Variants in EML6 observed in about 807,000 individuals in gnomAD.
EML6 encodes echinoderm microtubule-associated protein-like 6.
In EML6, 154 loss-of-function variants were observed where a neutral mutation model predicts 240.1. That is an observed-to-expected ratio of 0.64 (90% CI 0.56 to 0.73). The LOEUF (loss-of-function observed/expected upper bound fraction) is 0.73, where lower values mean the gene tolerates loss of function less well. EML6 is among the 30% of genes least tolerant of loss of function. The pLI, the probability that EML6 is intolerant of heterozygous loss-of-function variation, is 0.00. For synonymous variants in EML6, 1,148 were observed against 899.0 expected (o/e 1.28, Z -4.95); for missense variants, 2,964 against 2,474.6 (o/e 1.20, Z -4.20).
chr2:54,864,146 CT>C (rs1327120471), intron 13 of EML6, among the ~76,000 whole-genome samples: 3 of 152,162 alleles, frequency 2.0e-5, no homozygotes, highest in Non-Finnish European at 4.4e-5. Flanking sequence ...TTTTGCCTCC[CT>C]AGCACCTAAA....
Position 54,859,544 on chromosome 2 carries a change from T to G in EML6, c.1668T>G (p.Phe556Leu). Residue 556 changes from phenylalanine (F) to leucine (L), a missense_variant, in exon 12 of 42, where the codon TTT (phenylalanine) becomes TTG (leucine). Physicochemically the swap from Phe to Leu is conservative, Grantham distance 22. Transcript: ENST00000356458. ...KFPCLKRGAK[F>L]RKYVGHSAHV... ...AAAATATTCTTTCAGGAGCCAAATT[T>G]AGAAAGTATGTGGGCCATTCTGCAC... is the stretch of plus-strand genomic sequence containing the variant. 1 of 1,548,826 alleles carries G rather than the reference T, an allele frequency of 6.5e-7. No individual in the cohort carries two copies.
intron 19 of EML6, 100 bp downstream of exon 19, chr2:54,892,756 C>A: frequency 3.6e-6 from 3 of 824,888 alleles, no homozygotes; most frequent in South Asian, 1.9e-5. Flanking sequence ...TAAAACAGGC[C>A]TGTCTGAATT....
In EML6 at chr2:54,725,366, C is replaced by T; in HGVS notation, c.197+108C>T. On this transcript the variant is annotated intron_variant, in intron 2 of 41. Coordinates refer to ENST00000356458, the MANE Select transcript of EML6 (RefSeq NM_001039753.4). This position sits in a 1 kb window ranked among gnomAD's most constrained non-coding sequence, Gnocchi z 4.3. ...CGGGAGCCCCGTGGAATAGAGGATTCTCTCTGGAGCCGCATGGAATTACTG... is the reference window on the plus strand; with the variant it reads ...CGGGAGCCCCGTGGAATAGAGGATTTTCTCTGGAGCCGCATGGAATTACTG... The T allele has an allele frequency of 3.8e-6, 3 of 788,366 alleles. No homozygotes were observed. In the South Asian group the frequency reaches 7.4e-5, roughly 19 times the overall value. 48.8% of individuals were successfully genotyped at this position (788,366 alleles called of 1,614,324 possible). A position where few individuals can be genotyped will look rare whatever the true frequency, so the allele number is the denominator to read the frequency against.
At chr2:54,948,181 A>C (rs547531881) in intron 28 of EML6, among the ~76,000 whole-genome samples, 2 of 152,316 alleles carry the variant, frequency 1.3e-5, no homozygotes, top group Admixed American at 1.3e-4. Context: ...TAGGGCTTAC[A>C]CATTATAAAA....
At chr2:54,941,714 G>A (rs1250773062) in intron 28 of EML6, among the ~76,000 whole-genome samples, 1 of 152,252 alleles carries the variant, frequency 6.6e-6, no homozygotes, top group Non-Finnish European at 1.5e-5. Flanking sequence ...TTGCATGTGT[G>A]TTGTTTAAGC....
intron 11 of EML6, among the ~76,000 whole-genome samples, chr2:54,858,403 G>A (rs1670500522): frequency 6.6e-6 from 1 of 152,206 alleles, no homozygotes; most frequent in African/African-American, 2.4e-5. Flanking sequence ...CTGTGAGGAA[G>A]GTATAAAGGT....
intron 2 of EML6, among the ~76,000 whole-genome samples, chr2:54,775,493 G>T (rs2103823051): frequency 6.6e-6 from 1 of 152,242 alleles, no homozygotes; most frequent in Middle Eastern, 3.4e-3. Context: ...TAACCTCATT[G>T]GAGGCCTTTC....
chr2:54,944,210 A>G (rs1172683669), intron 28 of EML6, among the ~76,000 whole-genome samples: 5 of 152,292 alleles, frequency 3.3e-5, no homozygotes, highest in South Asian at 4.1e-4. Flanking sequence ...ACTTCCAACT[A>G]ACAAAGCTAT....
chr2:54,821,463 C>T (rs971350038), intron 5 of EML6, among the ~76,000 whole-genome samples: 13 of 152,096 alleles, frequency 8.5e-5, no homozygotes, highest in African/African-American at 3.1e-4. Context: ...TCATTTATCT[C>T]CAAATTTATA....
At position 54,962,618 on chromosome 2, in the gene EML6, G is replaced by A; in HGVS notation, c.5064G>A (p.Gly1688=). 6.5e-6 allele frequency: 10 copies of A among 1,547,440 alleles called. No homozygotes were observed. The highest frequency in any genetic ancestry group is 8.7e-6 in the Non-Finnish European group (10 of 1,145,148). ...TCCTGATTGATGGTCACATGGAAGG[G>A]GAGATCTGGGGCCTGGCCACTCACC... ...SNILIDGHME[G]EIWGLATHPS... The change falls in exon 36 of 42, where the codon GGG becomes GGA. Residue 1688 remains glycine, a synonymous_variant. Coordinates refer to ENST00000356458, the MANE Select transcript of EML6 (RefSeq NM_001039753.4).
chr2:54,928,322 G>A lies in EML6; in HGVS notation c.3685G>A (p.Ala1229Thr), dbSNP rs376570978. The A allele has an allele frequency of 2.4e-5, 37 of 1,551,776 alleles. No individual in the cohort carries two copies. The highest frequency in any genetic ancestry group is 1.7e-4 in the Middle Eastern group (1 of 6,016). The change falls in exon 27 of 42, where the codon GCA becomes ACA. Residue 1229 changes from alanine to threonine, a missense_variant. Physicochemically the swap from Ala to Thr is moderately conservative, Grantham distance 58 (BLOSUM62 0). Transcript: ENST00000356458. The stretch of plus-strand genomic sequence containing the variant: ...ATTTCGGGCTTTACAGGGACAGCAC[G>A]CAAGATTCAAGAAGTATGTGGGGCA... ...LFSYPVKGQH[A>T]RFKKYVGHSA... is the part of the protein sequence containing the mutation.
intron 7 of EML6, among the ~76,000 whole-genome samples, chr2:54,843,551 T>C (rs1669575460): frequency 6.6e-6 from 1 of 151,528 alleles, no homozygotes; most frequent in Non-Finnish European, 1.5e-5. Flanking sequence ...TGTAAGAAAA[T>C]AACACAGAAT....
chr2:54,812,318 C>T (rs1388973774), intron 2 of EML6, among the ~76,000 whole-genome samples: 1 of 107,548 alleles, frequency 9.3e-6, no homozygotes, highest in African/African-American at 4.0e-5. Flanking sequence ...CCATGCCAAA[C>T]ACTGAAAAAA....
intron 2 of EML6, among the ~76,000 whole-genome samples, chr2:54,741,994 A>T (rs1683659775): frequency 6.6e-6 from 1 of 152,242 alleles, no homozygotes. Flanking sequence ...AGGACAAACA[A>T]TAAGTACAGT....
Position 54,789,534 on chromosome 2 carries a change from AAAAAAAAAAAAAAAG to A in EML6, c.198-23692_198-23678del, listed in dbSNP as rs1189946391. 2.7e-5 allele frequency among the ~76,000 whole-genome samples: 4 copies of A among 149,144 alleles called. No homozygotes were observed. The East Asian group carries it at 7.8e-4, about 29-fold the overall frequency. On this transcript the variant is annotated intron_variant, in intron 2 of 41. Coordinates refer to ENST00000356458, the MANE Select transcript of EML6 (RefSeq NM_001039753.4). ...GTCTCAAAAAAAAAAAAAAAAAAAAAAAAAAAAAAAAAAAGAAAAAGAATGTGCTTTCCAAAGTAG... is the reference window on the plus strand; with the variant it reads ...GTCTCAAAAAAAAAAAAAAAAAAAAAAAAAAGAATGTGCTTTCCAAAGTAG...
chr2:54,763,136 A>G (rs1176647725), intron 2 of EML6, among the ~76,000 whole-genome samples: 1 of 152,208 alleles, frequency 6.6e-6, no homozygotes, highest in Admixed American at 6.5e-5. Context: ...TCCATCCTGC[A>G]ATGTGCATAA....
chr2:54,776,623 A>C (rs7577535), intron 2 of EML6, among the ~76,000 whole-genome samples: 42,552 of 151,874 alleles, frequency 0.28, 6,504 homozygotes, highest in East Asian at 0.46. Flanking sequence ...TGAGGGGATC[A>C]TTAGAAGCCC....
intron 2 of EML6, among the ~76,000 whole-genome samples, chr2:54,741,454 GCA>G (rs748756810): frequency 6.0e-5 from 9 of 151,114 alleles, no homozygotes; most frequent in Non-Finnish European, 1.2e-4. Flanking sequence ...AAGTACACAC[GCA>G]CACACACACA....
chr2:54,823,140 T>G (rs1462829920), intron 5 of EML6, among the ~76,000 whole-genome samples: 1 of 152,206 alleles, frequency 6.6e-6, no homozygotes, highest in African/African-American at 2.4e-5. Flanking sequence ...GCTTGAAGTT[T>G]AGCCATTAAA....
Sources: gnomAD v4.1 joint callset for allele counts (sites outside exome capture counted in the v4.1 genomes callset) on GRCh38, gnomAD v4.1.1 for gene constraint, Gnocchi (gnomAD v3.1) non-coding constraint, MANE v1.5 for transcripts, NCBI Gene and HGNC (gene_info 2026-07-23, HGNC 2026-07-21) for gene names.